Variants in ERCC8 observed in about 807,000 individuals in gnomAD.
The protein encoded by ERCC8 is DNA excision repair protein ERCC-8.
In ERCC8, 52 loss-of-function variants were observed where a neutral mutation model predicts 54.9. That is an observed-to-expected ratio of 0.95 (90% confidence interval 0.76 to 1.19). ERCC8 has a LOEUF of 1.19. ERCC8 is among the 50% of genes most tolerant of loss of function. The pLI, the probability that ERCC8 is intolerant of heterozygous loss-of-function variation, is 0.00. For missense variants in ERCC8, 514 were observed against 466.1 expected (o/e 1.10, Z -0.95); for synonymous variants, 146 against 157.2 (o/e 0.93, Z 0.53).
intron 4 of ERCC8, among the ~76,000 whole-genome samples, chr5:60,917,278 A>G (rs1469572237): frequency 1.3e-5 from 2 of 151,622 alleles, no homozygotes; most frequent in African/African-American, 4.9e-5. Context: ...GTTGCAAGGG[A>G]AAGGGACTTG....
chr5:60,895,061 C>A (rs1162151045), intron 9 of ERCC8, among the ~76,000 whole-genome samples: 6 of 150,998 alleles, frequency 4.0e-5, no homozygotes, highest in Non-Finnish European at 8.8e-5. Context: ...ATCCCAGCTA[C>A]TCAGGAGGCT....
intron 4 of ERCC8, among the ~76,000 whole-genome samples, chr5:60,908,583 A>ATATTTTT (rs527918086): frequency 1.9e-4 from 27 of 141,878 alleles, no homozygotes; most frequent in African/African-American, 5.6e-4. Flanking sequence ...ATATATATAT[A>ATATTTTT]TTTTTTTTTT....
chr5:60,919,334 T>C (rs577589005), intron 3 of ERCC8: 5 of 152,100 alleles, frequency 3.3e-5, no homozygotes, highest in Non-Finnish European at 7.4e-5. Flanking sequence ...CACAGGTCAT[T>C]ATACAACTCT....
rs1747889989 is a variant in ERCC8 at position 60,872,737 on chromosome 5, T to C, written c.*1878A>G. ...GTAGGAATGTAAATTAGTACAGCCA[T>C]TATGGAAGACAGTATGGAGTTTCTG... On this transcript the variant is annotated 3_prime_UTR_variant, in exon 12 of 12. Coordinates refer to ENST00000676185, the MANE Select transcript of ERCC8 (RefSeq NM_000082.4). Among the ~76,000 whole-genome samples, 1 of 152,194 alleles carries C rather than the reference T, an allele frequency of 6.6e-6. No individual in the cohort carries two copies. Among genetic ancestry groups the C allele is most frequent in the Non-Finnish European group, 1.5e-5 (1 of 68,040 alleles).
At chr5:60,929,425 A>G (rs902209671) in intron 1 of ERCC8, among the ~76,000 whole-genome samples, 10 of 152,016 alleles carry the variant, frequency 6.6e-5, no homozygotes, top group African/African-American at 2.4e-4. Context: ...GCGAGACCCC[A>G]TCTCTACAAA....
At chr5:60,874,904 A>G (rs918697669) in intron 11 of ERCC8, among the ~76,000 whole-genome samples, 2 of 152,196 alleles carry the variant, frequency 1.3e-5, no homozygotes, top group Non-Finnish European at 2.9e-5. Flanking sequence ...ACTTTATCCA[A>G]ACACCCTGTT....
intron 4 of ERCC8, among the ~76,000 whole-genome samples, chr5:60,906,758 T>C (rs13359074): frequency 0.57 from 86,219 of 149,992 alleles, 25,805 homozygotes; most frequent in East Asian, 0.94. Flanking sequence ...AATAAATAAA[T>C]AAACAAATAC....
At chr5:60,890,158 T>G (rs1748506443) in intron 10 of ERCC8, among the ~76,000 whole-genome samples, 1 of 152,138 alleles carries the variant, frequency 6.6e-6, no homozygotes, top group Non-Finnish European at 1.5e-5. Flanking sequence ...AATTAGGCAA[T>G]CAGTATTAAT....
At chr5:60,882,845 A>G (rs555240472) in intron 11 of ERCC8, among the ~76,000 whole-genome samples, 2 of 152,290 alleles carry the variant, frequency 1.3e-5, no homozygotes, top group Admixed American at 1.3e-4. Flanking sequence ...CTATTAAATT[A>G]GGTTATTTAG....
In ERCC8 at chr5:60,868,332, G is replaced by A. The variant is rs995519886; in HGVS notation, c.*6283C>T. Among the ~76,000 whole-genome samples, 11 of 152,142 alleles carry A rather than the reference G, an allele frequency of 7.2e-5. No homozygotes were observed. Among genetic ancestry groups the A allele is most frequent in the Admixed American group, 5.9e-4 (9 of 15,268 alleles). ...GACACCCATTTCTTTCTAGACCTCA[G>A]AAGAGCATGAACTCGGAGAGCGGTT... On this transcript the variant is annotated 3_prime_UTR_variant, in exon 12 of 12. Transcript: ENST00000676185.
At chr5:60,922,804 C>T (rs990401068) in intron 2 of ERCC8, among the ~76,000 whole-genome samples, 1 of 152,116 alleles carries the variant, frequency 6.6e-6, no homozygotes, top group African/African-American at 2.4e-5. Context: ...CCTGTCTTCG[C>T]AGAGTTTACA....
chr5:60,898,245 A>G, intron 9 of ERCC8, 31 bp downstream of exon 9: 1 of 1,605,036 alleles, frequency 6.2e-7, no homozygotes, highest in Non-Finnish European at 8.5e-7. Context: ...TTCTTAATTT[A>G]TACCCAAATA....
At chr5:60,929,326 T>C (rs915977306) in intron 1 of ERCC8, among the ~76,000 whole-genome samples, 8 of 152,182 alleles carry the variant, frequency 5.3e-5, no homozygotes, top group Non-Finnish European at 8.8e-5. Context: ...CTGGGTGCAG[T>C]GGCTCATGCC....
intron 11 of ERCC8, among the ~76,000 whole-genome samples, chr5:60,879,566 A>C: frequency 6.6e-6 from 1 of 152,196 alleles, no homozygotes; most frequent in Admixed American, 6.5e-5. Flanking sequence ...TATTGGGTGC[A>C]TATATATTTA....
At chr5:60,903,908 A>G (rs1277796254) in intron 5 of ERCC8, among the ~76,000 whole-genome samples, 192 bp from the exon 6 acceptor site, 1 of 152,106 alleles carries the variant, frequency 6.6e-6, no homozygotes, top group Non-Finnish European at 1.5e-5. Flanking sequence ...ATATTTTAGT[A>G]GTAAGAGACC....
At chr5:60,904,141 T>C (rs989201512) in intron 5 of ERCC8, among the ~76,000 whole-genome samples, 2 of 152,078 alleles carry the variant, frequency 1.3e-5, no homozygotes, top group African/African-American at 4.8e-5. Context: ...TGTATTTTAA[T>C]AGCTTAGTTT....
chr5:60,874,770 C>A (rs959057436), intron 11 of ERCC8, 87 bp from the exon 12 acceptor site: 34 of 1,087,060 alleles, frequency 3.1e-5, no homozygotes, highest in Non-Finnish European at 3.9e-5. Context: ...TGAAATATAT[C>A]AGATAAATAG....
chr5:60,874,272 T>C lies in ERCC8; in HGVS notation c.*343A>G. 4.8e-6 allele frequency: 1 copy of C among 208,934 alleles called. No individual in the cohort carries two copies. Among genetic ancestry groups the C allele is most frequent in the Non-Finnish European group, 9.5e-6 (1 of 105,178 alleles). 12.9% of individuals were successfully genotyped at this position (208,934 alleles called of 1,614,324 possible). A position where few individuals can be genotyped will look rare whatever the true frequency, so the allele number is the denominator to read the frequency against. ...ACAGCAAGTAAGAGAAAGTCAATAC[T>C]GATGGCCTCCACTTGCTGATCCTCT... On this transcript the variant is annotated 3_prime_UTR_variant, in exon 12 of 12. Transcript: ENST00000676185.
rs547701003 is a variant in ERCC8, at chr5:60,882,462, T to C, written c.1122+4978A>G. On this transcript the variant is annotated intron_variant, in intron 11 of 11. Coordinates refer to ENST00000676185, the MANE Select transcript of ERCC8 (RefSeq NM_000082.4). Reference sequence around the variant, plus strand: ...CAGGCTGGAGTGCAGTGGCATGATCTTGGCTCTCTGCAACCTCTGCCCCCC... The same window carrying C: ...CAGGCTGGAGTGCAGTGGCATGATCCTGGCTCTCTGCAACCTCTGCCCCCC... Among the ~76,000 whole-genome samples the C allele has an allele frequency of 9.4e-4, 143 of 152,322 alleles. 1 individual carries two copies. Among genetic ancestry groups the C allele is most frequent in the African/African-American group, 3.2e-3 (134 of 41,580 alleles).
Sources: allele counts gnomAD v4.1 joint callset (sites outside exome capture counted in the v4.1 genomes callset), GRCh38; gene constraint gnomAD v4.1.1; transcripts MANE v1.5; gene names NCBI Gene and HGNC (gene_info 2026-07-23, HGNC 2026-07-21).